SND1: variants seen among roughly 807,000 people sequenced by gnomAD.
SND1 encodes the protein staphylococcal nuclease domain-containing protein 1.
A neutral mutation model predicts 121.7 loss-of-function variants in SND1; 38 were observed. The ratio of observed to expected loss-of-function variants is 0.31; its 90% CI spans 0.24 to 0.41. The LOEUF is 0.41. SND1 is among the 10% of genes least tolerant of loss of function. The pLI is 1.00. For synonymous variants in SND1, 401 were observed against 447.4 expected, an observed-to-expected ratio of 0.90 and a Z score of 1.31; for missense variants, 868 against 1,184.6, an observed-to-expected ratio of 0.73 and a Z score of 3.92.
Position 127,652,451 on chromosome 7 carries a change from G to T in SND1, c.78G>T (p.Met26Ile). Reference sequence around the variant, plus strand: ...CCGTGCAGCGGGGCATCATCAAGATGGTGAGAACGGGCCCCGGACACCGAC... The same window carrying T: ...CCGTGCAGCGGGGCATCATCAAGATTGTGAGAACGGGCCCCGGACACCGAC... ...VPTVQRGIIK[M>I]VLSGCAIIVR... is the part of the protein sequence containing the mutation. Residue 26 changes from methionine (M) to isoleucine (I), a missense_variant and splice_region_variant, in exon 1 of 24, where the codon ATG (methionine) becomes ATT (isoleucine). Around this residue, in one of 2 missense-constraint regions of SND1, gnomAD observed 125 missense variants for 113.3 expected, o/e 1.10. Transcript: ENST00000354725. 1.3e-6 allele frequency: 2 copies of T among 1,573,940 alleles called. No homozygotes were observed. Among genetic ancestry groups the T allele is most frequent in the Non-Finnish European group, 1.7e-6 (2 of 1,159,488 alleles).
intron 10 of SND1, among the ~76,000 whole-genome samples, chr7:127,759,093 GATA>G (rs1563003251): frequency 1.3e-5 from 2 of 152,100 alleles, no homozygotes; most frequent in African/African-American, 2.4e-5. Context: ...TAGATAGATA[GATA>G]GATAGGCAGG....
At chr7:127,738,022 A>G (rs1379966130) in intron 10 of SND1, among the ~76,000 whole-genome samples, 1 of 152,232 alleles carries the variant, frequency 6.6e-6, no homozygotes, top group Non-Finnish European at 1.5e-5. Flanking sequence ...AGAATGTTAC[A>G]GTAATCCAAC....
chr7:127,707,824 G>T, intron 9 of SND1, among the ~76,000 whole-genome samples, 177 bp downstream of exon 9: 1 of 147,414 alleles, frequency 6.8e-6, no homozygotes, highest in South Asian at 2.1e-4. Context: ...TATTGTAGGG[G>T]GTTTAGAAAC....
intron 15 of SND1, among the ~76,000 whole-genome samples, chr7:127,938,377 A>G (rs1315724362): frequency 6.6e-6 from 1 of 152,234 alleles, no homozygotes; most frequent in Non-Finnish European, 1.5e-5. Flanking sequence ...TCCCTCGAAT[A>G]TCTTTTAGTC....
At chr7:127,715,066 G>T (rs1796363121) in intron 9 of SND1, among the ~76,000 whole-genome samples, 1 of 152,060 alleles carries the variant, frequency 6.6e-6, no homozygotes, top group Non-Finnish European at 1.5e-5. Flanking sequence ...GTTGTTGAGG[G>T]AATTACTATA....
intron 11 of SND1, among the ~76,000 whole-genome samples, chr7:127,826,095 G>T (rs988985899): frequency 1.1e-4 from 16 of 152,160 alleles, no homozygotes; most frequent in Non-Finnish European, 1.9e-4. Flanking sequence ...GGAGGCTGAG[G>T]CAGGTGAATT....
chr7:127,745,721 A>G (rs986065267), intron 10 of SND1, among the ~76,000 whole-genome samples: 1 of 152,192 alleles, frequency 6.6e-6, no homozygotes, highest in Non-Finnish European at 1.5e-5. Flanking sequence ...AAAGTTACTT[A>G]AAAGTGATTT....
intron 13 of SND1, among the ~76,000 whole-genome samples, chr7:127,902,171 T>C (rs1800246201): frequency 1.3e-5 from 2 of 152,190 alleles, no homozygotes; most frequent in South Asian, 4.1e-4. Flanking sequence ...GCCCTGTTCT[T>C]TTTTTCTCAT....
At chr7:127,836,465 A>G (rs1185050211) in intron 11 of SND1, among the ~76,000 whole-genome samples, 1 of 152,182 alleles carries the variant, frequency 6.6e-6, no homozygotes, top group Non-Finnish European at 1.5e-5. Flanking sequence ...TGGATTGGAG[A>G]GTTAGGAAGG....
intron 11 of SND1, among the ~76,000 whole-genome samples, chr7:127,810,432 C>T (rs1445445596): frequency 6.6e-6 from 1 of 152,194 alleles, no homozygotes; most frequent in Non-Finnish European, 1.5e-5. Context: ...TCCTGTTTAC[C>T]ATCTGCCCTC....
chr7:127,925,983 C>T (rs1298017657), intron 14 of SND1, among the ~76,000 whole-genome samples: 1 of 151,650 alleles, frequency 6.6e-6, no homozygotes. Flanking sequence ...GTCTAAGAGA[C>T]TGAAGCACAT....
chr7:127,871,735 T>C (rs1355273549), intron 12 of SND1, among the ~76,000 whole-genome samples: 2 of 152,212 alleles, frequency 1.3e-5, no homozygotes, highest in Non-Finnish European at 2.9e-5. Context: ...CTTGTTGGCC[T>C]CAAACATTAT....
chr7:127,792,387 A>G (rs1006395304), intron 10 of SND1, among the ~76,000 whole-genome samples: 12 of 152,322 alleles, frequency 7.9e-5, no homozygotes, highest in Admixed American at 7.8e-4. Flanking sequence ...TGTGACCTGC[A>G]GAGAGGGTGC....
chr7:127,951,581 T>C (rs905748861), intron 15 of SND1, among the ~76,000 whole-genome samples: 1 of 152,210 alleles, frequency 6.6e-6, no homozygotes, highest in Non-Finnish European at 1.5e-5. Context: ...TATTCTTACA[T>C]TTCTATGGAA....
At chr7:127,806,889 G>A (rs1167469551) in intron 10 of SND1, among the ~76,000 whole-genome samples, 1 of 152,148 alleles carries the variant, frequency 6.6e-6, no homozygotes, top group Admixed American at 6.5e-5. Flanking sequence ...AACCCAGGAG[G>A]CGGAGGTTGC....
chr7:127,824,414 G>C (rs1350758513), intron 11 of SND1, among the ~76,000 whole-genome samples: 1 of 152,074 alleles, frequency 6.6e-6, no homozygotes, highest in African/African-American at 2.4e-5. Flanking sequence ...TTCTCTCCTT[G>C]TTCATTGGAG....
intron 14 of SND1, among the ~76,000 whole-genome samples, chr7:127,923,113 C>T (rs758188744): frequency 1.3e-5 from 2 of 152,172 alleles, no homozygotes; most frequent in Non-Finnish European, 1.5e-5. Context: ...CTTAGCCTCC[C>T]AAGCAGCTGG....
chr7:127,718,657 C>T, intron 9 of SND1: 1 of 985,318 alleles, frequency 1.0e-6, no homozygotes, highest in Non-Finnish European at 1.2e-6. Context: ...TCTAAGAATT[C>T]ATTGCTGCCG....
chr7:127,905,669 A>G (rs949529287), intron 14 of SND1, among the ~76,000 whole-genome samples: 2 of 152,200 alleles, frequency 1.3e-5, no homozygotes, highest in Non-Finnish European at 2.9e-5. Flanking sequence ...GATTTTGATC[A>G]GGTGGCCAGG....
Sources: allele counts gnomAD v4.1 joint callset (sites outside exome capture counted in the v4.1 genomes callset), GRCh38; gene constraint gnomAD v4.1.1; regional missense constraint gnomAD v4.1.1; transcripts MANE v1.5; gene names NCBI Gene and HGNC (gene_info 2026-07-23, HGNC 2026-07-21).